Variants in ADAMTS3 observed in about 807,000 individuals in gnomAD.
ADAMTS3 encodes the protein ADAM metallopeptidase with thrombospondin type 1 motif 3.
ADAMTS3 carries 73 observed loss-of-function variants against 129.0 expected under a neutral mutation model. The ratio of observed to expected loss-of-function variants is 0.57; its 90% CI spans 0.47 to 0.69. The LOEUF (loss-of-function observed/expected upper bound fraction) is 0.69. Among genes scored for constraint, ADAMTS3 ranks in the 30% least tolerant of loss-of-function variants. The pLI, the probability that ADAMTS3 is intolerant of heterozygous loss-of-function variation, is 0.00. For synonymous variants in ADAMTS3, 477 were observed against 510.8 expected, an observed-to-expected ratio of 0.93 and a Z score of 0.89; for missense variants, 1,457 against 1,514.5, an observed-to-expected ratio of 0.96 and a Z score of 0.63.
chr4:72,530,792 T>C (rs1329501337), intron 3 of ADAMTS3, among the ~76,000 whole-genome samples: 12 of 91,776 alleles, frequency 1.3e-4, no homozygotes, highest in Admixed American at 6.8e-4. Flanking sequence ...TTATACATTA[T>C]ATATTATATA....
intron 4 of ADAMTS3, among the ~76,000 whole-genome samples, chr4:72,381,268 T>C (rs958776689): frequency 3.3e-5 from 5 of 152,140 alleles, no homozygotes; most frequent in Admixed American, 6.6e-5. Context: ...AAATAACCTT[T>C]TTTTATTTTT....
intron 10 of ADAMTS3, among the ~76,000 whole-genome samples, chr4:72,316,702 A>AATAATG (rs1351411159): frequency 9.7e-6 from 1 of 103,526 alleles, no homozygotes; most frequent in Non-Finnish European, 2.8e-5. Context: ...AAATAATAAT[A>AATAATG]ATAATAATAA....
chr4:72,567,563 T>C (rs563985649), intron 1 of ADAMTS3, among the ~76,000 whole-genome samples, 162 bp from the exon 2 acceptor site: 22 of 152,180 alleles, frequency 1.4e-4, no homozygotes, highest in Non-Finnish European at 3.2e-4. Context: ...TTGTAGAAGG[T>C]TCCATGAGCC....
intron 3 of ADAMTS3, among the ~76,000 whole-genome samples, chr4:72,508,652 T>C (rs759772755): frequency 3.9e-5 from 6 of 152,108 alleles, no homozygotes; most frequent in African/African-American, 7.2e-5. Context: ...TAGCTATTCA[T>C]TATTACATTC....
intron 3 of ADAMTS3, among the ~76,000 whole-genome samples, chr4:72,480,482 G>T (rs1272647018): frequency 3.9e-5 from 6 of 151,976 alleles, no homozygotes; most frequent in Admixed American, 2.6e-4. Context: ...AATCATAGAT[G>T]GGAATTGAAC....
At position 72,367,080 on chromosome 4, in the gene ADAMTS3, A is replaced by C. The variant is rs115889005; in HGVS notation, c.662-27387T>G. Among the ~76,000 whole-genome samples, 1,171 of 152,280 alleles carry C rather than the reference A, an allele frequency of 7.7e-3. 14 individuals carry two copies. The highest frequency in any genetic ancestry group is 0.023 in the Admixed American group (345 of 15,292). ...AAAAGGGCTGGTAGTTTGATTTTAA[A>C]GACACATTTTTCAGCAAATTCTGAT... On this transcript the variant is annotated intron_variant, in intron 4 of 21. Transcript: ENST00000286657.
chr4:72,565,371 AAAAT>A (rs911796074), intron 2 of ADAMTS3, among the ~76,000 whole-genome samples: 9 of 152,182 alleles, frequency 5.9e-5, no homozygotes, highest in Non-Finnish European at 1.3e-4. Context: ...TAATAGAAAA[AAAAT>A]AAATAACGTG....
chr4:72,434,089 G>C (rs530694548), intron 3 of ADAMTS3, among the ~76,000 whole-genome samples: 1 of 151,734 alleles, frequency 6.6e-6, no homozygotes, highest in African/African-American at 2.4e-5. Flanking sequence ...CTGTTCTTTA[G>C]ATGGCCACAT....
chr4:72,378,974 A>C (rs1721207644), intron 4 of ADAMTS3, among the ~76,000 whole-genome samples: 2 of 152,178 alleles, frequency 1.3e-5, no homozygotes, highest in South Asian at 4.1e-4. Flanking sequence ...GACAAGAATC[A>C]CTCAGCTGCT....
chr4:72,473,567 A>AAC (rs1560529423), intron 3 of ADAMTS3, among the ~76,000 whole-genome samples: 3 of 151,138 alleles, frequency 2.0e-5, no homozygotes, highest in Non-Finnish European at 3.0e-5. Context: ...AAAAAAAAAA[A>AAC]ACACGGTCCT....
At chr4:72,544,263 A>T (rs925703283) in intron 3 of ADAMTS3, among the ~76,000 whole-genome samples, 26 of 152,112 alleles carry the variant, frequency 1.7e-4, no homozygotes, top group Admixed American at 4.6e-4. Context: ...AGCCAAATTG[A>T]TTTTTCAACC....
chr4:72,501,182 G>A (rs1245791632), intron 3 of ADAMTS3, among the ~76,000 whole-genome samples: 2 of 152,136 alleles, frequency 1.3e-5, no homozygotes, highest in African/African-American at 2.4e-5. Flanking sequence ...GACTCGCAAT[G>A]TGTCTGTAAA....
At chr4:72,489,060 T>C (rs1719664558) in intron 3 of ADAMTS3, among the ~76,000 whole-genome samples, 1 of 152,002 alleles carries the variant, frequency 6.6e-6, no homozygotes, top group Non-Finnish European at 1.5e-5. Flanking sequence ...CCTATTTCAC[T>C]TAGCATAAAG....
chr4:72,479,065 C>A (rs1458013817), intron 3 of ADAMTS3, among the ~76,000 whole-genome samples: 1 of 152,136 alleles, frequency 6.6e-6, no homozygotes, highest in Non-Finnish European at 1.5e-5. Context: ...AATGGAAGAA[C>A]ATTCCATGCT....
intron 13 of ADAMTS3, 173 bp downstream of exon 13, chr4:72,312,118 A>T: frequency 1.6e-6 from 1 of 624,100 alleles, no homozygotes; most frequent in Non-Finnish European, 2.8e-6. Context: ...TTACCTCTTT[A>T]GAGAAAGGGT....
At chr4:72,453,756 TA>T (rs1718469636) in intron 3 of ADAMTS3, among the ~76,000 whole-genome samples, 2 of 151,564 alleles carry the variant, frequency 1.3e-5, no homozygotes, top group South Asian at 4.1e-4. Context: ...ATAACAAGGA[TA>T]AAAAAGTAGG....
intron 4 of ADAMTS3, among the ~76,000 whole-genome samples, chr4:72,394,268 A>AG (rs1721670715): frequency 3.2e-5 from 1 of 31,066 alleles, no homozygotes; most frequent in Admixed American, 5.8e-4. Context: ...CACAACAGAG[A>AG]GGAAAAAAAA....
intron 4 of ADAMTS3, among the ~76,000 whole-genome samples, chr4:72,409,513 C>T (rs568310042): frequency 1.3e-5 from 2 of 152,046 alleles, no homozygotes; most frequent in Non-Finnish European, 2.9e-5. Context: ...TAATCCTGAG[C>T]TCTGAAGTCT....
At chr4:72,384,466 G>A (rs1244492054) in intron 4 of ADAMTS3, among the ~76,000 whole-genome samples, 2 of 152,066 alleles carry the variant, frequency 1.3e-5, no homozygotes, top group Non-Finnish European at 2.9e-5. Context: ...AGTTATCCTT[G>A]ACTTCTCATC....
Sources: allele counts gnomAD v4.1 joint callset (sites outside exome capture counted in the v4.1 genomes callset), GRCh38; gene constraint gnomAD v4.1.1; transcripts MANE v1.5; gene names NCBI Gene and HGNC (gene_info 2026-07-23, HGNC 2026-07-21).